FDFT1: variants seen among roughly 807,000 people sequenced by gnomAD.
FDFT1 encodes farnesyl-diphosphate farnesyltransferase 1, also known as squalene synthase.
Under a neutral mutation model 46.8 loss-of-function variants are expected in FDFT1, and 68 were observed. That is an observed-to-expected ratio of 1.45 (90% CI 1.19 to 1.78). The LOEUF is 1.78. Among genes scored for constraint, FDFT1 ranks in the 40% most tolerant of loss-of-function variants. The pLI is 0.00. For synonymous variants in FDFT1, 351 were observed against 185.1 expected, an observed-to-expected ratio of 1.90 and a Z score of -7.28; for missense variants, 928 against 524.4, an observed-to-expected ratio of 1.77 and a Z score of -7.52.
exon 1 of FDFT1, chr8:11,795,646 C>T (rs7824202): frequency 0.16 from 24,413 of 151,100 alleles, 2,079 homozygotes; most frequent in East Asian, 0.34. Context: ...AATTTTAATA[C>T]TTGTCTGTTT....
At chr8:11,830,501 T>A in intron 6 of FDFT1, 81 bp downstream of exon 6, 1 of 973,162 alleles carries the variant, frequency 1.0e-6, no homozygotes, top group South Asian at 1.4e-5. Context: ...CTGTGCTATA[T>A]TCAAGGATAT....
intron 7 of FDFT1, among the ~76,000 whole-genome samples, chr8:11,833,981 C>T (rs1169364993): frequency 6.6e-6 from 1 of 152,208 alleles, no homozygotes; most frequent in East Asian, 1.9e-4. Context: ...GGACATTTTA[C>T]AAGTAAAGTT....
chr8:11,821,608 CAA>C, intron 3 of FDFT1, 140 bp from the exon 4 acceptor site: 1 of 991,806 alleles, frequency 1.0e-6, no homozygotes. Context: ...AAAACAAAAA[CAA>C]AAAAAATGTG....
At chr8:11,837,234 TTTTG>T (rs147612970) in intron 7 of FDFT1, among the ~76,000 whole-genome samples, 3,644 of 152,182 alleles carry the variant, frequency 0.024, 147 homozygotes, top group African/African-American at 0.083. Context: ...GTTCTTTTGT[TTTTG>T]TTTGTTTTTT....
At chr8:11,819,279 C>A (rs540174334) in intron 3 of FDFT1, among the ~76,000 whole-genome samples, 2 of 152,182 alleles carry the variant, frequency 1.3e-5, no homozygotes, top group Non-Finnish European at 2.9e-5. Flanking sequence ...CAGCCCTTAA[C>A]ATTTTTTCCT....
At chr8:11,833,696 T>A (rs1293317) in intron 7 of FDFT1, among the ~76,000 whole-genome samples, 151,502 of 152,350 alleles carry the variant, frequency 0.99, 75,338 homozygotes, top group Middle Eastern at 1. Flanking sequence ...ATTTGCTTCT[T>A]TGTCTTCTGT....
At chr8:11,818,460 A>T (rs1022750848) in intron 3 of FDFT1, among the ~76,000 whole-genome samples, 12 of 152,068 alleles carry the variant, frequency 7.9e-5, no homozygotes, top group Non-Finnish European at 7.4e-5. Context: ...TGACAGTGGG[A>T]TGTTAGACTC....
intron 3 of FDFT1, among the ~76,000 whole-genome samples, chr8:11,817,330 C>T (rs936645958): frequency 6.6e-6 from 1 of 152,136 alleles, no homozygotes; most frequent in African/African-American, 2.4e-5. Flanking sequence ...CTAAAATTCT[C>T]TTTTTTTATT....
At chr8:11,811,568 A>C (rs771533197) in intron 3 of FDFT1, among the ~76,000 whole-genome samples, 3 of 152,248 alleles carry the variant, frequency 2.0e-5, no homozygotes, top group Non-Finnish European at 4.4e-5. Flanking sequence ...CATGTTTGTG[A>C]AACTTCAGTG....
Position 11,795,896 on chromosome 8 carries a change from C to T in FDFT1, c.-209C>T, listed in dbSNP as rs188357191. The T allele has an allele frequency of 1.8e-3, 276 of 152,794 alleles. 4 individuals are homozygous for T. Among genetic ancestry groups the T allele is most frequent in the Admixed American group, 0.013 (202 of 15,314 alleles). 9.5% of individuals were successfully genotyped at this position (152,794 alleles called of 1,614,324 possible). A position where few individuals can be genotyped will look rare whatever the true frequency, so the allele number is the denominator to read the frequency against. On this transcript the variant is annotated 5_prime_UTR_variant, in exon 1 of 8. Coordinates refer to the FDFT1 transcript ENST00000538689. ...AACATCAGAAGGAACAGACTCCGGA[C>T]ACGCCGCCTTTAAGAACTGTAACAC... is the stretch of plus-strand genomic sequence containing the variant.
At chr8:11,801,922 C>A (rs964813926), upstream of FDFT1, 2 of 454,282 alleles carry the variant, frequency 4.4e-6, no homozygotes, top group African/African-American at 4.0e-5. Context: ...ATCTCTTGAC[C>A]TCGTGATCCA....
chr8:11,809,998 A>G, intron 3 of FDFT1, 148 bp downstream of exon 3: 1 of 582,598 alleles, frequency 1.7e-6, no homozygotes, highest in Non-Finnish European at 2.9e-6. Context: ...GGTAGCCAAG[A>G]CTCTGAAGCC....
upstream of FDFT1, among the ~76,000 whole-genome samples, chr8:11,799,236 T>A (rs1231776099): frequency 6.6e-6 from 1 of 152,214 alleles, no homozygotes; most frequent in Non-Finnish European, 1.5e-5. Flanking sequence ...CGGTCGGCGG[T>A]CTTATCAGGA....
chr8:11,801,259 G>A (rs1223361769), upstream of FDFT1, among the ~76,000 whole-genome samples: 3 of 152,204 alleles, frequency 2.0e-5, no homozygotes, highest in African/African-American at 7.2e-5. Context: ...GATCCCTATA[G>A]GTGCTTTGGC....
chr8:11,817,747 C>A (rs1023722017), intron 3 of FDFT1, among the ~76,000 whole-genome samples: 9 of 151,682 alleles, frequency 5.9e-5, no homozygotes, highest in African/African-American at 2.2e-4. Context: ...CTTTTTGATT[C>A]TTCTGTCTTT....
chr8:11,816,132 C>G (rs996339301), intron 3 of FDFT1, among the ~76,000 whole-genome samples: 1 of 152,212 alleles, frequency 6.6e-6, no homozygotes, highest in Non-Finnish European at 1.5e-5. Context: ...GGAATCCTTT[C>G]TCCATTGCTT....
At chr8:11,796,383 G>A (rs1214209072) in intron 1 of FDFT1, among the ~76,000 whole-genome samples, 1 of 152,178 alleles carries the variant, frequency 6.6e-6, no homozygotes, top group East Asian at 1.9e-4. Flanking sequence ...AAACAGACAA[G>A]AGATTATTAG....
intron 1 of FDFT1, chr8:11,803,980 C>A (rs1806473621): frequency 6.6e-6 from 1 of 152,346 alleles, no homozygotes; most frequent in African/African-American, 2.4e-5. Flanking sequence ...AGAATAACTT[C>A]TATTATTTGA....
Position 11,838,966 on chromosome 8 carries a change from C to T in FDFT1, c.*357C>T, listed in dbSNP as rs942336287. 1.4e-5 allele frequency: 3 copies of T among 214,352 alleles called. No homozygotes were observed. The highest frequency in any genetic ancestry group is 2.8e-5 in the Non-Finnish European group (3 of 106,018). The allele number at this position is 214,352 out of a possible 1,614,324, so 13.3% of individuals were successfully genotyped here. On this transcript the variant is annotated 3_prime_UTR_variant, in exon 8 of 8. Coordinates refer to ENST00000220584, the MANE Select transcript of FDFT1 (RefSeq NM_004462.5). ...AATTAAAAGTATTTAATTTGAAGCA[C>T]CATTTGAATGTTCGTAATAGTAGAA...
Sources: allele counts gnomAD v4.1 joint callset (sites outside exome capture counted in the v4.1 genomes callset), GRCh38; gene constraint gnomAD v4.1.1; transcripts MANE v1.5; gene names NCBI Gene and HGNC (gene_info 2026-07-23, HGNC 2026-07-21).